The following CPLANE1 variants were observed in gnomAD, a reference collection of about 807,000 sequenced individuals.
CPLANE1 encodes ciliogenesis and planar polarity effector complex subunit 1.
Under a neutral mutation model 362.5 loss-of-function variants are expected in CPLANE1, and 263 were observed. The observed-to-expected ratio is 0.73, with a 90% confidence interval of 0.66 to 0.80. The LOEUF (loss-of-function observed/expected upper bound fraction) is 0.80. Among genes scored for constraint, CPLANE1 ranks in the 30% least tolerant of loss-of-function variants. The pLI, the probability that CPLANE1 is intolerant of heterozygous loss-of-function variation, is 0.00. For synonymous variants in CPLANE1, 1,212 were observed against 1,302.6 expected (o/e 0.93, Z 1.50); for missense variants, 3,461 against 3,793.4 (o/e 0.91, Z 2.30).
intron 36 of CPLANE1, 120 bp from the exon 37 acceptor site, chr5:37,164,447 T>C (rs1580329079): frequency 1.5e-6 from 1 of 666,792 alleles, no homozygotes; most frequent in Non-Finnish European, 2.6e-6. Context: ...TCCATCATTC[T>C]AGACATAAGT....
At chr5:37,208,106 T>C (rs774398220) in intron 16 of CPLANE1, among the ~76,000 whole-genome samples, 3 of 152,142 alleles carry the variant, frequency 2.0e-5, no homozygotes, top group South Asian at 4.1e-4. Flanking sequence ...CATGTCACCA[T>C]GGCGGGCTAA....
At chr5:37,125,146 A>C in intron 47 of CPLANE1, 98 bp downstream of exon 47, 7 of 1,428,418 alleles carry the variant, frequency 4.9e-6, no homozygotes, top group Non-Finnish European at 3.8e-6. Flanking sequence ...CCAAATTACA[A>C]ATGTATCCAA....
In CPLANE1 at chr5:37,186,295, C is replaced by A; in HGVS notation, c.4180G>T (p.Val1394Phe). ...AAACAACAAATAATACCTTTCACAA[C>A]ACAGTGTCTGAGTCTCTGGTGAAGA... ...HSLHQRLRHC[V>F]VKGPQTEEMM... Residue 1394 changes from valine (V) to phenylalanine (F), a missense_variant, in exon 24 of 53, where the codon GTT becomes TTT. This residue lies in a region of CPLANE1 where 3,380 missense variants were observed against 3,666.1 expected (regional missense o/e 0.92). Transcript: ENST00000651892. 5 of 1,484,506 alleles carry A rather than the reference C, an allele frequency of 3.4e-6. No individual in the cohort carries two copies. The highest frequency in any genetic ancestry group is 4.7e-6 in the Non-Finnish European group (5 of 1,063,424). 92.0% of individuals were successfully genotyped at this position (1,484,506 alleles called of 1,614,324 possible). A position where few individuals can be genotyped will look rare whatever the true frequency, so the allele number is the denominator to read the frequency against.
At chr5:37,103,147 C>CT (rs1296936920), downstream of CPLANE1, among the ~76,000 whole-genome samples, 1 of 152,112 alleles carries the variant, frequency 6.6e-6, no homozygotes, top group Non-Finnish European at 1.5e-5. Context: ...TAATGGCCTT[C>CT]TTTTTTTATC....
In CPLANE1 at chr5:37,106,999, T is replaced by C. The variant is rs937185052; in HGVS notation, c.*603A>G. On this transcript the variant is annotated 3_prime_UTR_variant, in exon 53 of 53. Transcript: ENST00000651892. ...CTTACTTTCCTGCCCAAAGCATCCA[T>C]TCCTGTTTCTTCCTCCAAGGCTTCA... 1 of 985,452 alleles carries C rather than the reference T, an allele frequency of 1.0e-6. No individual in the cohort carries two copies. Among genetic ancestry groups the C allele is most frequent in the Non-Finnish European group, 1.2e-6 (1 of 829,944 alleles). The allele number at this position is 985,452 out of a possible 1,614,324, so 61.0% of individuals were successfully genotyped here. A position where few individuals can be genotyped will look rare whatever the true frequency, so the allele number is the denominator to read the frequency against.
rs375395910 is a variant in CPLANE1 at position 37,160,254 on chromosome 5, C to A, written c.7691-1909G>T. 5.9e-5 allele frequency among the ~76,000 whole-genome samples: 9 copies of A among 152,218 alleles called. No individual in the cohort carries two copies. In the East Asian group the frequency reaches 1.5e-3, roughly 26 times the overall value. On this transcript the variant is annotated intron_variant, in intron 38 of 52. Transcript: ENST00000651892. The stretch of plus-strand genomic sequence containing the variant: ...CTCAAAGACATGCTTAGATAATGAA[C>A]ATTTAAGAATGTTTCTCAGTTCCGA...
chr5:37,114,977 G>A lies in CPLANE1; in HGVS notation c.9383C>T (p.Pro3128Leu), dbSNP rs1319142896. Residue 3128 changes from proline to leucine, a missense_variant, in exon 51 of 53, where the codon CCA becomes CTA. By Grantham distance (98) the Pro-to-Leu change is moderately conservative. Coordinates refer to ENST00000651892, the MANE Select transcript of CPLANE1 (RefSeq NM_001384732.1). ...KAAVRKATQS[P>L]VTFQKGSNAP... is the part of the protein sequence containing the mutation. ...TCCCTTACCTTTTTGGAAGGTAACT[G>A]GAGACTGCGTAGCCTTTCTTACTGC... 1.9e-6 allele frequency: 3 copies of A among 1,608,146 alleles called. No individual in the cohort carries two copies. The highest frequency in any genetic ancestry group is 2.6e-6 in the Non-Finnish European group (3 of 1,175,596).
At chr5:37,244,817 G>A (rs1452298683) in intron 4 of CPLANE1, among the ~76,000 whole-genome samples, 1 of 151,880 alleles carries the variant, frequency 6.6e-6, no homozygotes, top group African/African-American at 2.4e-5. Flanking sequence ...GAGACGGATC[G>A]CTTTAGCCCA....
Position 37,180,285 on chromosome 5 carries a change from G to T in CPLANE1, c.5571-102C>A, listed in dbSNP as rs751207032. 271 of 665,780 alleles carry T rather than the reference G, an allele frequency of 4.1e-4. 1 individual carries two copies. Among genetic ancestry groups the T allele is most frequent in the Middle Eastern group, 7.9e-4 (2 of 2,524 alleles). The allele number at this position is 665,780 out of a possible 1,614,324, so 41.2% of individuals were successfully genotyped here. On this transcript the variant is annotated intron_variant, in intron 27 of 52. Coordinates refer to ENST00000651892, the MANE Select transcript of CPLANE1 (RefSeq NM_001384732.1). ...GTTTTTTTTTTTAAGATGGAGTCTC[G>T]CCCAGGCTGGAGTGCAATGGCGCAA...
rs1307084274 is a variant in CPLANE1 at position 37,245,752 on chromosome 5, G to C, written c.175C>G (p.Pro59Ala). 1 of 1,536,482 alleles carries C rather than the reference G, an allele frequency of 6.5e-7. No individual in the cohort carries two copies. ...AGGACAATAACATCCTTCAAGAAAG[G>C]CTGCAGACTAGGAATTTTCTTCTTT... ...KIKKKIPSLQPFLKDVIVLTT... is the reference protein window; with the variant it reads ...KIKKKIPSLQAFLKDVIVLTT... The change falls in exon 3 of 53, where the codon CCT becomes GCT. Residue 59 changes from proline to alanine, a missense_variant. Physicochemically the swap from Pro to Ala is conservative, Grantham distance 27. Coordinates refer to ENST00000651892, the MANE Select transcript of CPLANE1 (RefSeq NM_001384732.1).
chr5:37,217,328 G>A (rs1031733445), intron 15 of CPLANE1, among the ~76,000 whole-genome samples: 3 of 152,206 alleles, frequency 2.0e-5, no homozygotes, highest in African/African-American at 4.8e-5. Context: ...AATCTCGACC[G>A]GGTGCAGTGG....
rs1253523731 is a variant in CPLANE1, at chr5:37,159,758, T to C, written c.7691-1413A>G. 1.5e-4 allele frequency among the ~76,000 whole-genome samples: 23 copies of C among 152,200 alleles called. 1 individual carries two copies. Among genetic ancestry groups the C allele is most frequent in the Non-Finnish European group, 2.9e-4 (20 of 68,024 alleles). On this transcript the variant is annotated intron_variant, in intron 38 of 52. Coordinates refer to ENST00000651892, the MANE Select transcript of CPLANE1 (RefSeq NM_001384732.1). ...AATACTGAAATCATTCCCTCTCTCT[T>C]AATTGATTGGTTTAACCGCTTTTTT...
intron 42 of CPLANE1, among the ~76,000 whole-genome samples, chr5:37,150,369 C>T (rs965282171): frequency 2.6e-5 from 4 of 152,116 alleles, no homozygotes; most frequent in Admixed American, 1.3e-4. Context: ...ATGATTTGAA[C>T]TTCCCCCTAA....
chr5:37,227,718 T>A lies in CPLANE1; in HGVS notation c.1221A>T (p.Ser407=), dbSNP rs1796757582. 1.9e-6 allele frequency: 3 copies of A among 1,551,384 alleles called. No individual in the cohort carries two copies. In the South Asian group the frequency reaches 3.6e-5, roughly 18 times the overall value. Residue 407 remains serine (S), a synonymous_variant, in exon 10 of 53, where the codon TCA becomes TCT. Transcript: ENST00000651892. ...MRQRFSIKAH[S]RLPYLVISDG... The stretch of plus-strand genomic sequence containing the variant: ...CAGATATAACGAGGTAGGGTAACCG[T>A]GAGTGTGCTTTTATAGAAAATCTCT...
At chr5:37,125,736 A>T (rs1231590776) in intron 46 of CPLANE1, among the ~76,000 whole-genome samples, 4 of 152,198 alleles carry the variant, frequency 2.6e-5, no homozygotes, top group African/African-American at 9.6e-5. Flanking sequence ...TCACTGCTTC[A>T]AAATTAATTA....
intron 42 of CPLANE1, among the ~76,000 whole-genome samples, chr5:37,149,081 G>GGTGT (rs375519014): frequency 6.6e-6 from 1 of 151,338 alleles, no homozygotes; most frequent in Non-Finnish European, 1.5e-5. Flanking sequence ...AGCAAATTGT[G>GGTGT]GTGTGTGTGT....
At chr5:37,224,142 G>C (rs1168567704) in intron 14 of CPLANE1, 111 bp downstream of exon 14, 3 of 659,838 alleles carry the variant, frequency 4.5e-6, no homozygotes, top group Non-Finnish European at 7.8e-6. Flanking sequence ...AAGATGTCCT[G>C]CTAATATAAT....
Position 37,139,300 on chromosome 5 carries a change from A to C in CPLANE1, c.8663+40T>G, listed in dbSNP as rs759069915. The C allele has an allele frequency of 4.3e-6, 6 of 1,385,898 alleles. No individual in the cohort carries two copies. The Admixed American group carries it at 1.3e-4, about 29-fold the overall frequency. 85.9% of individuals were successfully genotyped at this position (1,385,898 alleles called of 1,614,324 possible). A position where few individuals can be genotyped will look rare whatever the true frequency, so the allele number is the denominator to read the frequency against. On this transcript the variant is annotated intron_variant, in intron 45 of 52. Transcript: ENST00000651892. ...ACAAAATTTTCACTATCTACACCCA[A>C]CTTTAAAGAAAATTGTGAATTAACT...
At chr5:37,166,528 G>T (rs894223269) in intron 35 of CPLANE1, among the ~76,000 whole-genome samples, 1 of 152,100 alleles carries the variant, frequency 6.6e-6, no homozygotes, top group African/African-American at 2.4e-5. Flanking sequence ...CTTATAACTT[G>T]TATTACAATA....
Sources: gnomAD v4.1 joint callset for allele counts (sites outside exome capture counted in the v4.1 genomes callset) on GRCh38, gnomAD v4.1.1 for gene constraint, gnomAD v4.1.1 regional missense constraint, MANE v1.5 for transcripts, NCBI Gene and HGNC (gene_info 2026-07-23, HGNC 2026-07-21) for gene names.